The following SESN1 variants were observed in gnomAD, a reference collection of about 807,000 sequenced individuals.
The protein encoded by SESN1 is sestrin 1.
SESN1 carries 30 observed loss-of-function variants against 59.3 expected under a neutral mutation model. That is an observed-to-expected ratio of 0.51 (90% CI 0.38 to 0.69). The LOEUF (loss-of-function observed/expected upper bound fraction) is 0.69. Among genes scored for constraint, SESN1 ranks in the 30% least tolerant of loss-of-function variants. The pLI is 0.00. For synonymous variants in SESN1, 197 were observed against 219.9 expected (o/e 0.90, Z 0.92); for missense variants, 566 against 673.0 (o/e 0.84, Z 1.76).
chr6:109,075,502 A>C (rs1269147189), intron 1 of SESN1, among the ~76,000 whole-genome samples: 4 of 152,216 alleles, frequency 2.6e-5, no homozygotes, highest in African/African-American at 9.7e-5. Context: ...TCCTTTGAAG[A>C]AGCAAATGGA....
chr6:109,038,739 A>G (rs944759724), intron 1 of SESN1, among the ~76,000 whole-genome samples: 1 of 152,216 alleles, frequency 6.6e-6, no homozygotes, highest in Admixed American at 6.5e-5. Flanking sequence ...AAGCAAGAAT[A>G]GTTAAATTTG....
chr6:109,005,862 A>C (rs1455402559), intron 1 of SESN1, among the ~76,000 whole-genome samples: 1 of 152,218 alleles, frequency 6.6e-6, no homozygotes, highest in Non-Finnish European at 1.5e-5. Context: ...TTTGTTATAG[A>C]TTCTAGTCTT....
At chr6:109,013,435 T>A (rs938324179) in intron 1 of SESN1, among the ~76,000 whole-genome samples, 5 of 152,018 alleles carry the variant, frequency 3.3e-5, no homozygotes, top group African/African-American at 1.2e-4. Context: ...AAACTCTTGT[T>A]TTTGAAATTT....
At chr6:109,004,994 A>G (rs1199280857) in intron 1 of SESN1, among the ~76,000 whole-genome samples, 2 of 152,208 alleles carry the variant, frequency 1.3e-5, no homozygotes, top group Admixed American at 6.5e-5. Flanking sequence ...TATTACTACA[A>G]CCGCTAGGAA....
chr6:109,086,904 T>C (rs930939884), intron 1 of SESN1, among the ~76,000 whole-genome samples: 1 of 152,074 alleles, frequency 6.6e-6, no homozygotes, highest in Admixed American at 6.5e-5. Context: ...GAGGCCGAGA[T>C]GGGTGGATCA....
At chr6:109,063,147 C>T (rs1033335561) in intron 1 of SESN1, among the ~76,000 whole-genome samples, 22 of 152,084 alleles carry the variant, frequency 1.4e-4, no homozygotes, top group African/African-American at 5.1e-4. Context: ...CTGTAGAGGT[C>T]GGGCAGGCTT....
Position 109,036,279 on chromosome 6 carries a change from T to TA in SESN1, c.280-33937dup, listed in dbSNP as rs537973039. On this transcript the variant is annotated intron_variant, in intron 1 of 9. Coordinates refer to ENST00000436639, the MANE Select transcript of SESN1 (RefSeq NM_014454.3). ...TTATAGTTCAGCAAACCTATGCAGT[T>TA]AAAATCAGCTTTTGTGGGTTGGCTT... Among the ~76,000 whole-genome samples the TA allele has an allele frequency of 3.6e-4, 55 of 152,358 alleles. No homozygotes were observed. In the East Asian group the frequency reaches 8.7e-3, roughly 24 times the overall value.
chr6:108,988,087 C>T (rs1022942056), intron 9 of SESN1, among the ~76,000 whole-genome samples: 1 of 152,144 alleles, frequency 6.6e-6, no homozygotes, highest in Admixed American at 6.5e-5. Context: ...AGCCACCATA[C>T]CTGGCCTAAT....
At position 109,032,854 on chromosome 6, in the gene SESN1, A is replaced by T. The variant is rs189565022; in HGVS notation, c.280-30511T>A. Among the ~76,000 whole-genome samples the T allele has an allele frequency of 7.2e-3, 1,099 of 152,250 alleles. 5 individuals carry two copies. The highest frequency in any genetic ancestry group is 0.011 in the Non-Finnish European group (764 of 68,006). Reference sequence around the variant, plus strand: ...CCATTGCTTGAGGACAATAGGCTGTAGTTTTTTAAAAAACAATTTTTTCTT... The same window carrying T: ...CCATTGCTTGAGGACAATAGGCTGTTGTTTTTTAAAAAACAATTTTTTCTT... On this transcript the variant is annotated intron_variant, in intron 1 of 9. Coordinates refer to ENST00000436639, the MANE Select transcript of SESN1 (RefSeq NM_014454.3).
At chr6:109,011,941 T>C (rs1438760995) in intron 1 of SESN1, among the ~76,000 whole-genome samples, 2 of 152,260 alleles carry the variant, frequency 1.3e-5, no homozygotes, top group African/African-American at 4.8e-5. Context: ...ATAAATGTAT[T>C]AATTAACCTG....
chr6:108,999,421 A>G (rs1332051701), intron 4 of SESN1, among the ~76,000 whole-genome samples: 2 of 152,220 alleles, frequency 1.3e-5, no homozygotes. Flanking sequence ...TGAAATAGAT[A>G]AGACCAAAAG....
intron 1 of SESN1, among the ~76,000 whole-genome samples, chr6:109,004,568 C>A (rs998114992): frequency 4.0e-5 from 6 of 151,790 alleles, no homozygotes; most frequent in Non-Finnish European, 7.4e-5. Flanking sequence ...GTAGCTAGGA[C>A]CACAGGCGTG....
intron 1 of SESN1, among the ~76,000 whole-genome samples, chr6:109,006,688 G>A (rs1216134550): frequency 2.0e-5 from 3 of 152,142 alleles, no homozygotes; most frequent in Non-Finnish European, 4.4e-5. Flanking sequence ...TTATACAGTA[G>A]TAGTCTTGGT....
At chr6:109,082,107 G>C (rs1781131048) in intron 1 of SESN1, among the ~76,000 whole-genome samples, 1 of 152,192 alleles carries the variant, frequency 6.6e-6, no homozygotes, top group South Asian at 2.1e-4. Context: ...AGTGAAATAA[G>C]AGACTAACTC....
At chr6:109,056,207 G>C (rs1780630430) in intron 1 of SESN1, among the ~76,000 whole-genome samples, 1 of 152,160 alleles carries the variant, frequency 6.6e-6, no homozygotes, top group Non-Finnish European at 1.5e-5. Context: ...AGGAGTTTGA[G>C]ACCAGCCTTG....
chr6:109,003,722 C>G (rs1314005365), intron 1 of SESN1, among the ~76,000 whole-genome samples: 1 of 152,146 alleles, frequency 6.6e-6, no homozygotes, highest in Non-Finnish European at 1.5e-5. Flanking sequence ...TTTTAACATC[C>G]TGTAATGAAT....
chr6:109,009,259 T>C (rs1430812883), intron 1 of SESN1: 9 of 1,113,856 alleles, frequency 8.1e-6, no homozygotes, highest in Non-Finnish European at 1.1e-5. Flanking sequence ...CGGGAGCGAC[T>C]GTGAGGAGGC....
At chr6:109,056,815 C>T (rs547244933) in intron 1 of SESN1, among the ~76,000 whole-genome samples, 2 of 152,298 alleles carry the variant, frequency 1.3e-5, no homozygotes, top group South Asian at 2.1e-4. Context: ...TGTATAGTCC[C>T]TTCCCATACT....
chr6:109,027,834 T>A (rs1322716108), intron 1 of SESN1, among the ~76,000 whole-genome samples: 3 of 152,298 alleles, frequency 2.0e-5, no homozygotes, highest in African/African-American at 7.2e-5. Context: ...ACTGAACATG[T>A]TTTAATGTGC....
Sources: allele counts gnomAD v4.1 joint callset (sites outside exome capture counted in the v4.1 genomes callset), GRCh38; gene constraint gnomAD v4.1.1; transcripts MANE v1.5; gene names NCBI Gene and HGNC (gene_info 2026-07-23, HGNC 2026-07-21).